MLXIP: variants seen among roughly 807,000 people sequenced by gnomAD.
The protein encoded by MLXIP is MLX-interacting protein.
In MLXIP, 30 loss-of-function variants were observed where a neutral mutation model predicts 87.2. That is an observed-to-expected ratio of 0.34 (90% CI 0.26 to 0.47). The LOEUF is 0.47. MLXIP is among the 20% of genes least tolerant of loss of function. The pLI, the probability that MLXIP is intolerant of heterozygous loss-of-function variation, is 1.00. For synonymous variants in MLXIP, 530 were observed against 514.0 expected (o/e 1.03, Z -0.42); for missense variants, 1,002 against 1,240.1 (o/e 0.81, Z 2.88).
chr12:122,126,846 G>A (rs954881943), intron 1 of MLXIP, among the ~76,000 whole-genome samples: 19 of 152,314 alleles, frequency 1.2e-4, no homozygotes, highest in African/African-American at 4.3e-4. Context: ...AGGGAGGCTG[G>A]TCAAATGTGA....
intron 1 of MLXIP, among the ~76,000 whole-genome samples, chr12:122,125,438 C>G (rs906807866): frequency 6.6e-6 from 1 of 152,150 alleles, no homozygotes; most frequent in Non-Finnish European, 1.5e-5. Context: ...GTGTGTGTGT[C>G]TAAACATGTA....
Position 122,130,048 on chromosome 12 carries a change from C to T in MLXIP, c.846C>T (p.Ser282=), listed in dbSNP as rs373684026. ...LDTDMLMSEF[S]DTLFSTLSSH... ...CAGACATGCTCATGTCGGAATTCAG[C>T]GACACCCTCTTCTCCACACTTTCTT... is the stretch of plus-strand genomic sequence containing the variant. Residue 282 remains serine (S), a synonymous_variant, in exon 6 of 17, where the codon AGC becomes AGT. Transcript: ENST00000319080. The T allele has an allele frequency of 5.3e-5, 85 of 1,613,814 alleles. No homozygotes were observed. The highest frequency in any genetic ancestry group is 9.3e-5 in the African/African-American group (7 of 74,922).
At chr12:122,112,079 T>G (rs942717847) in intron 1 of MLXIP, among the ~76,000 whole-genome samples, 4 of 152,212 alleles carry the variant, frequency 2.6e-5, no homozygotes, top group African/African-American at 9.7e-5. Flanking sequence ...CTTACTTAGA[T>G]AGTAAAGTAT....
In MLXIP at chr12:122,131,041, G is replaced by A; in HGVS notation, c.1000+108G>A. The stretch of plus-strand genomic sequence containing the variant: ...GGCGAGACTTGGTAGAATGGGCAAG[G>A]GGGCGAGCAAAGAATTTTTTTTTAA... On this transcript the variant is annotated intron_variant, in intron 7 of 16. Coordinates refer to ENST00000319080, the MANE Select transcript of MLXIP (RefSeq NM_014938.6). 3 of 748,408 alleles carry A rather than the reference G, an allele frequency of 4.0e-6. No homozygotes were observed. In the South Asian group the frequency reaches 5.0e-5, roughly 13 times the overall value. The allele number at this position is 748,408 out of a possible 1,614,324, so 46.4% of individuals were successfully genotyped here. A position where few individuals can be genotyped will look rare whatever the true frequency, so the allele number is the denominator to read the frequency against.
intron 4 of MLXIP, 149 bp from the exon 5 acceptor site, chr12:122,129,439 T>C (rs1236789764): frequency 2.0e-6 from 2 of 985,720 alleles, no homozygotes; most frequent in Non-Finnish European, 1.5e-6. Context: ...ATCTGTGCAC[T>C]GGGTGGAAGT....
At chr12:122,110,648 G>A (rs556129892) in intron 1 of MLXIP, among the ~76,000 whole-genome samples, 1 of 152,130 alleles carries the variant, frequency 6.6e-6, no homozygotes, top group South Asian at 2.1e-4. Context: ...GTGCATGCCT[G>A]TAGTCCCAAA....
intron 1 of MLXIP, among the ~76,000 whole-genome samples, chr12:122,094,458 G>A (rs1191751446): frequency 7.5e-6 from 1 of 133,186 alleles, no homozygotes; most frequent in South Asian, 2.6e-4. Flanking sequence ...GTGTGGTATT[G>A]GTGTGTGTGT....
In MLXIP at chr12:122,093,457, GTGTA is replaced by G. The variant is rs1262396699; in HGVS notation, c.413+14195_413+14198del. On this transcript the variant is annotated intron_variant, in intron 1 of 16. Transcript: ENST00000319080. The stretch of plus-strand genomic sequence containing the variant: ...TGTGTGTGTTGTATGTGTGGGGTGT[GTGTA>G]TGTTTGCGGTGTGTTTGGTGTGTGG... 3.4e-5 allele frequency among the ~76,000 whole-genome samples: 5 copies of G among 147,150 alleles called. No homozygotes were observed. In the East Asian group the frequency reaches 8.2e-4, roughly 24 times the overall value.
intron 1 of MLXIP, among the ~76,000 whole-genome samples, chr12:122,085,095 C>T (rs1412366011): frequency 6.6e-6 from 1 of 152,066 alleles, no homozygotes; most frequent in African/African-American, 2.4e-5. Context: ...AGTTCCTCTC[C>T]AGAGCGGGAA....
chr12:122,079,650 G>T (rs974793243), intron 1 of MLXIP, among the ~76,000 whole-genome samples: 1 of 152,242 alleles, frequency 6.6e-6, no homozygotes, highest in Non-Finnish European at 1.5e-5. Context: ...AGGACCACCT[G>T]TTCGGGGTGA....
intron 4 of MLXIP, 94 bp from the exon 5 acceptor site, chr12:122,129,494 C>T (rs927536115): frequency 1.4e-6 from 2 of 1,437,272 alleles, no homozygotes; most frequent in Middle Eastern, 3.5e-4. Flanking sequence ...GAGCAGGACC[C>T]CTACCTGCCT....
Position 122,141,997 on chromosome 12 carries a change from A to G in MLXIP, c.*185A>G, listed in dbSNP as rs1360044062. On this transcript the variant is annotated 3_prime_UTR_variant, in exon 17 of 17. Transcript: ENST00000319080. ...GCAGGTTTGGGGCCTGCTGACAGCAATAGCCCGCCTTTGGGAACCCCTTGC... is the reference window on the plus strand; with the variant it reads ...GCAGGTTTGGGGCCTGCTGACAGCAGTAGCCCGCCTTTGGGAACCCCTTGC... 6 of 842,542 alleles carry G rather than the reference A, an allele frequency of 7.1e-6. No homozygotes were observed. Among genetic ancestry groups the G allele is most frequent in the Non-Finnish European group, 9.1e-6 (5 of 547,150 alleles). 52.2% of individuals were successfully genotyped at this position (842,542 alleles called of 1,614,324 possible).
chr12:122,095,689 G>T (rs1952340724), intron 1 of MLXIP, among the ~76,000 whole-genome samples: 2 of 151,208 alleles, frequency 1.3e-5, no homozygotes, highest in African/African-American at 4.9e-5. Flanking sequence ...TTCTTTTCAA[G>T]TTGCATTTCA....
At chr12:122,131,986 C>A (rs928958285) in intron 7 of MLXIP, among the ~76,000 whole-genome samples, 1 of 131,000 alleles carries the variant, frequency 7.6e-6, no homozygotes, top group African/African-American at 3.0e-5. Flanking sequence ...TGCAGTGGTG[C>A]GATCTTAGCT....
At chr12:122,131,609 C>A (rs1211601098) in intron 7 of MLXIP, among the ~76,000 whole-genome samples, 1 of 151,684 alleles carries the variant, frequency 6.6e-6, no homozygotes, top group East Asian at 1.9e-4. Flanking sequence ...ACCACCACAC[C>A]CAGTTCATTT....
rs1179700644 is a variant in MLXIP at position 122,092,090 on chromosome 12, C to CTT, written c.413+12827_413+12828dup. Among the ~76,000 whole-genome samples, 21 of 151,074 alleles carry CTT rather than the reference C, an allele frequency of 1.4e-4. No homozygotes were observed. The Admixed American group carries it at 1.4e-3, about 10-fold the overall frequency. On this transcript the variant is annotated intron_variant, in intron 1 of 16. Transcript: ENST00000319080. ...TTTTTCTTTCTTTTTCTTTTCTTTT[C>CTT]TTTTCTTTTTTCTTTTCTTTTCTTT... is the stretch of plus-strand genomic sequence containing the variant.
intron 16 of MLXIP, 80 bp from the exon 17 acceptor site, chr12:122,141,611 G>A (rs1404033244): frequency 3.8e-6 from 6 of 1,564,474 alleles, no homozygotes; most frequent in Non-Finnish European, 5.2e-6. Context: ...ATTCCCACAT[G>A]GGTTGTAGGT....
In MLXIP at chr12:122,144,565, G is replaced by A. The variant is rs1953266680; in HGVS notation, c.*2753G>A. On this transcript the variant is annotated 3_prime_UTR_variant, in exon 17 of 17. Coordinates refer to ENST00000319080, the MANE Select transcript of MLXIP (RefSeq NM_014938.6). ...TGCCACACTGTACTCCAGCCTGGATGACAGAGTGAAACCCTGCCTCTAAAT... is the reference window on the plus strand; with the variant it reads ...TGCCACACTGTACTCCAGCCTGGATAACAGAGTGAAACCCTGCCTCTAAAT... The A allele has an allele frequency of 6.6e-6, 1 of 152,100 alleles. No individual in the cohort carries two copies. The highest frequency in any genetic ancestry group is 6.6e-5 in the Admixed American group (1 of 15,260). The allele number at this position is 152,100 out of a possible 1,614,324, so 9.4% of individuals were successfully genotyped here. A position where few individuals can be genotyped will look rare whatever the true frequency, so the allele number is the denominator to read the frequency against.
chr12:122,127,477 G>T (rs1248088901), intron 2 of MLXIP, 115 bp downstream of exon 2: 18 of 745,848 alleles, frequency 2.4e-5, no homozygotes, highest in Admixed American at 2.3e-4. Context: ...CAGAAGTTCA[G>T]TCTGTGCAGA....
Sources: allele counts gnomAD v4.1 joint callset (sites outside exome capture counted in the v4.1 genomes callset), GRCh38; gene constraint gnomAD v4.1.1; transcripts MANE v1.5; gene names NCBI Gene and HGNC (gene_info 2026-07-23, HGNC 2026-07-21).